FAM135B: variants seen among roughly 807,000 people sequenced by gnomAD.
The protein encoded by FAM135B is family with sequence similarity 135 member B.
In FAM135B, 43 loss-of-function variants were observed where a neutral mutation model predicts 127.7. That is an observed-to-expected ratio of 0.34 (90% CI 0.26 to 0.43). FAM135B has a LOEUF of 0.43. FAM135B is among the 20% of genes least tolerant of loss of function. The pLI, the probability that FAM135B is intolerant of heterozygous loss-of-function variation, is 1.00. For missense variants in FAM135B, 1,558 were observed against 1,725.6 expected, an observed-to-expected ratio of 0.90 and a Z score of 1.72; for synonymous variants, 670 against 665.1, an observed-to-expected ratio of 1.01 and a Z score of -0.11.
chr8:138,182,086 A>G (rs1586705715), intron 9 of FAM135B, among the ~76,000 whole-genome samples: 1 of 152,010 alleles, frequency 6.6e-6, no homozygotes, highest in Admixed American at 6.6e-5. Flanking sequence ...CACCACTACC[A>G]CGCTGCCACC....
intron 11 of FAM135B, among the ~76,000 whole-genome samples, chr8:138,170,643 A>ATT (rs1392673522): frequency 2.6e-5 from 4 of 152,188 alleles, no homozygotes; most frequent in Non-Finnish European, 4.4e-5. Context: ...GTGATTCCCT[A>ATT]TATAGCTGGT....
At chr8:138,496,509 G>A (rs1815398025) in intron 1 of FAM135B, among the ~76,000 whole-genome samples, 162 bp downstream of exon 1, 1 of 152,192 alleles carries the variant, frequency 6.6e-6, no homozygotes, top group East Asian at 1.9e-4. Flanking sequence ...AAACCTGGAG[G>A]GCAGAGAGAC....
chr8:138,280,407 G>A (rs186325093), intron 3 of FAM135B, among the ~76,000 whole-genome samples: 107 of 151,784 alleles, frequency 7.0e-4, no homozygotes, highest in Non-Finnish European at 1.2e-3. Flanking sequence ...ACATTATGGT[G>A]CAGAGGCAAC....
chr8:138,288,386 G>A (rs1163085006), intron 3 of FAM135B, among the ~76,000 whole-genome samples: 1 of 152,114 alleles, frequency 6.6e-6, no homozygotes, highest in Non-Finnish European at 1.5e-5. Flanking sequence ...TGTGGCCTTG[G>A]GGATATCCGG....
chr8:138,480,977 C>G (rs955038800), intron 1 of FAM135B, among the ~76,000 whole-genome samples: 1 of 152,190 alleles, frequency 6.6e-6, no homozygotes, highest in Non-Finnish European at 1.5e-5. Context: ...AAACCCTTGT[C>G]TGTTGAATGA....
At chr8:138,293,869 G>T (rs749357881) in intron 3 of FAM135B, among the ~76,000 whole-genome samples, 1 of 152,090 alleles carries the variant, frequency 6.6e-6, no homozygotes, top group Non-Finnish European at 1.5e-5. Context: ...TAGGCCTACC[G>T]TTTGACCCAA....
chr8:138,412,182 CA>C (rs1044002962), intron 1 of FAM135B, among the ~76,000 whole-genome samples: 3 of 152,098 alleles, frequency 2.0e-5, no homozygotes, highest in African/African-American at 7.2e-5. Context: ...TATACTCATG[CA>C]ACAAATCTGC....
intron 1 of FAM135B, among the ~76,000 whole-genome samples, chr8:138,457,416 C>G (rs1836851459): frequency 6.6e-6 from 1 of 152,106 alleles, no homozygotes; most frequent in Admixed American, 6.5e-5. Flanking sequence ...AATATCACCC[C>G]AGATGGTTGC....
At chr8:138,401,472 A>G (rs1319937009) in intron 1 of FAM135B, among the ~76,000 whole-genome samples, 3 of 152,236 alleles carry the variant, frequency 2.0e-5, no homozygotes, top group Admixed American at 2.0e-4. Flanking sequence ...CAGGAGGCAC[A>G]GGGCACTCAC....
intron 9 of FAM135B, among the ~76,000 whole-genome samples, chr8:138,189,111 G>C (rs572389472): frequency 2.7e-4 from 41 of 152,318 alleles, no homozygotes; most frequent in African/African-American, 8.4e-4. Context: ...CCAACAGAGA[G>C]AGGAGAAGAG....
At chr8:138,157,240 T>A (rs1818849020) in intron 12 of FAM135B, among the ~76,000 whole-genome samples, 2 of 152,120 alleles carry the variant, frequency 1.3e-5, no homozygotes, top group African/African-American at 2.4e-5. Context: ...TTGACAAAAT[T>A]CAACAGCACT....
chr8:138,280,257 G>A (rs1321443220), intron 3 of FAM135B, among the ~76,000 whole-genome samples: 1 of 152,196 alleles, frequency 6.6e-6, no homozygotes, highest in Non-Finnish European at 1.5e-5. Flanking sequence ...AGTGTCACCT[G>A]ATTGAGTGTC....
intron 1 of FAM135B, among the ~76,000 whole-genome samples, chr8:138,489,259 C>T (rs2131694313): frequency 6.6e-6 from 1 of 152,300 alleles, no homozygotes; most frequent in South Asian, 2.1e-4. Context: ...TGTCCCCAGG[C>T]CAGTGAACAG....
chr8:138,395,492 C>A (rs933613992), intron 1 of FAM135B, among the ~76,000 whole-genome samples: 1 of 152,122 alleles, frequency 6.6e-6, no homozygotes, highest in African/African-American at 2.4e-5. Flanking sequence ...ACCTGGGTGA[C>A]CTTTGCACTA....
chr8:138,449,123 C>G (rs1836352258), intron 1 of FAM135B, among the ~76,000 whole-genome samples: 1 of 152,150 alleles, frequency 6.6e-6, no homozygotes, highest in Non-Finnish European at 1.5e-5. Flanking sequence ...ATCTGAGTAG[C>G]TGCTATCTGC....
At chr8:138,162,429 C>A (rs1224045232) in intron 12 of FAM135B, among the ~76,000 whole-genome samples, 2 of 152,112 alleles carry the variant, frequency 1.3e-5, no homozygotes, top group Admixed American at 6.5e-5. Flanking sequence ...AAAGAAGGAA[C>A]CCTCGTGCAA....
chr8:138,149,458 T>C (rs187981401), intron 13 of FAM135B, among the ~76,000 whole-genome samples: 94 of 152,304 alleles, frequency 6.2e-4, no homozygotes, highest in Non-Finnish European at 1.1e-3. Context: ...CTACATGACT[T>C]GGCTTTACTT....
At chr8:138,137,092 T>C in intron 19 of FAM135B, 55 bp downstream of exon 19, 1 of 916,150 alleles carries the variant, frequency 1.1e-6, no homozygotes, top group Non-Finnish European at 1.8e-6. Context: ...TTCCATGAAT[T>C]TACTTTTGCT....
At chr8:138,248,717 A>G (rs1254099432) in intron 6 of FAM135B, among the ~76,000 whole-genome samples, 1 of 151,134 alleles carries the variant, frequency 6.6e-6, no homozygotes, top group African/African-American at 2.4e-5. Flanking sequence ...CTACTTGGGT[A>G]GCTGAGGCAG....
Sources: allele counts gnomAD v4.1 joint callset (sites outside exome capture counted in the v4.1 genomes callset), GRCh38; gene constraint gnomAD v4.1.1; transcripts MANE v1.5; gene names NCBI Gene and HGNC (gene_info 2026-07-23, HGNC 2026-07-21).